The following CPT1C variants were observed in gnomAD, a reference collection of about 807,000 sequenced individuals.
CPT1C encodes the protein palmitoyl thioesterase CPT1C.
A neutral mutation model predicts 97.3 loss-of-function variants in CPT1C; 61 were observed. The ratio of observed to expected loss-of-function variants is 0.63; its 90% CI spans 0.51 to 0.78. CPT1C has a LOEUF of 0.78. CPT1C is among the 30% of genes least tolerant of loss of function. The probability of loss-of-function intolerance (pLI) is 0.00; values close to 1 mark genes in which losing one functional copy is unlikely to be tolerated. For synonymous variants in CPT1C, 469 were observed against 447.2 expected, an observed-to-expected ratio of 1.05 and a Z score of -0.61; for missense variants, 975 against 1,065.5, an observed-to-expected ratio of 0.92 and a Z score of 1.18.
chr19:49,697,262 G>A (rs1275756002), intron 3 of CPT1C, 64 bp from the exon 4 acceptor site: 2 of 1,604,734 alleles, frequency 1.2e-6, no homozygotes, highest in East Asian at 2.2e-5. Flanking sequence ...GTCTGGGGAT[G>A]GCACAGAACA....
chr19:49,702,025 T>TA (rs56183107), intron 7 of CPT1C, among the ~76,000 whole-genome samples: 1 of 9,422 alleles, frequency 1.1e-4, no homozygotes, highest in Non-Finnish European at 2.2e-4. Flanking sequence ...TATTTATAAA[T>TA]TATAAATATA....
chr19:49,709,300 T>C (rs1176491978), intron 14 of CPT1C, among the ~76,000 whole-genome samples: 2 of 144,952 alleles, frequency 1.4e-5, no homozygotes, highest in Non-Finnish European at 3.0e-5. Flanking sequence ...CCACTTCCAA[T>C]GACAACCCAT....
At chr19:49,707,406 C>A in intron 12 of CPT1C, 112 bp from the exon 13 acceptor site, 1 of 755,096 alleles carries the variant, frequency 1.3e-6, no homozygotes. Flanking sequence ...ACCAGCACCC[C>A]AATGGATTCC....
Position 49,706,855 on chromosome 19 carries a change from G to A in CPT1C, c.1343+442G>A, listed in dbSNP as rs191165107. On this transcript the variant is annotated intron_variant, in intron 12 of 19. Transcript: ENST00000598293. This position sits in a 1 kb window ranked among gnomAD's most constrained non-coding sequence, Gnocchi z 4.8. ...CCCCAAATCCATGGCCCTAGACCCAGACTTCCAGACCTAGAGATTCTCAGG... is the reference window on the plus strand; with the variant it reads ...CCCCAAATCCATGGCCCTAGACCCAAACTTCCAGACCTAGAGATTCTCAGG... Among the ~76,000 whole-genome samples the A allele has an allele frequency of 2.0e-4, 31 of 152,222 alleles. No individual in the cohort carries two copies. The East Asian group carries it at 5.8e-3, about 29-fold the overall frequency.
Position 49,701,401 on chromosome 19 carries a change from C to T in CPT1C, c.538C>T (p.Gln180Ter), listed in dbSNP as rs2083045057. Residue 180 changes from glutamine (Q) to a stop codon, truncating the protein, a stop_gained, in exon 6 of 20, where the codon CAG (glutamine) becomes TAG (stop). Coordinates refer to ENST00000598293, the MANE Select transcript of CPT1C (RefSeq NM_001199753.2). LOFTEE classifies it high-confidence loss of function. ...SLPRQPVPSV[Q>*]DTVRKYLESV... Reference sequence around the variant, plus strand: ...GCCACGCCAGCCCGTGCCCTCTGTGCAGGACACCGTGCGCAAGGTGGGCCT... The same window carrying T: ...GCCACGCCAGCCCGTGCCCTCTGTGTAGGACACCGTGCGCAAGGTGGGCCT... The T allele has an allele frequency of 6.2e-7, 1 of 1,612,618 alleles. No homozygotes were observed. The highest frequency in any genetic ancestry group is 1.3e-5 in the African/African-American group (1 of 74,990).
At chr19:49,702,187 T>TAAATA in intron 7 of CPT1C, among the ~76,000 whole-genome samples, 1 of 135,326 alleles carries the variant, frequency 7.4e-6, no homozygotes, top group African/African-American at 2.7e-5. Context: ...TATTTATATA[T>TAAATA]AGGCTTATAT....
At chr19:49,711,484 C>T in intron 16 of CPT1C, 1 of 333,422 alleles carries the variant, frequency 3.0e-6, no homozygotes, top group Middle Eastern at 8.8e-4. Flanking sequence ...CCCCTGTACC[C>T]TCTCTGCCCA....
At chr19:49,700,164 G>A (rs562200941) in intron 4 of CPT1C, among the ~76,000 whole-genome samples, 41 of 144,270 alleles carry the variant, frequency 2.8e-4, no homozygotes, top group African/African-American at 5.4e-4. Context: ...GGAGAATGGC[G>A]TGAACCCAGG....
intron 7 of CPT1C, 135 bp from the exon 8 acceptor site, chr19:49,704,575 C>A: frequency 1.5e-6 from 1 of 673,716 alleles, no homozygotes; most frequent in South Asian, 1.7e-5. Context: ...TCGCTAGTTA[C>A]TGACTACGAT....
At chr19:49,713,125 C>A in intron 19 of CPT1C, 61 bp downstream of exon 19, 1 of 1,399,548 alleles carries the variant, frequency 7.1e-7, no homozygotes, top group Non-Finnish European at 1.0e-6. Context: ...AGTCTGGGCC[C>A]CCAGCCCCTC....
intron 4 of CPT1C, among the ~76,000 whole-genome samples, chr19:49,698,784 AG>A (rs1191342133): frequency 1.3e-5 from 2 of 151,920 alleles, no homozygotes; most frequent in Admixed American, 6.6e-5. Context: ...ATTGCTTCTT[AG>A]TGTGCTTGGA....
rs1555779176 is a variant in CPT1C, at chr19:49,702,076, T to TATAA, written c.693+446_693+449dup. Reference sequence around the variant, plus strand: ...TATAAATATATATTTATTTATAAATTATAAATATATATTTATTTATAAATT... The same window carrying TATAA: ...TATAAATATATATTTATTTATAAATTATAAATAAATATATATTTATTTATAAATT... On this transcript the variant is annotated intron_variant, in intron 7 of 19. Transcript: ENST00000598293. Among the ~76,000 whole-genome samples the TATAA allele has an allele frequency of 8.6e-4, 76 of 88,260 alleles. 2 individuals are homozygous for TATAA. Among genetic ancestry groups the TATAA allele is most frequent in the African/African-American group, 2.4e-3 (33 of 13,630 alleles). The allele number at this position is 88,260 out of a possible 152,430, so 57.9% of individuals were successfully genotyped here. A position where few individuals can be genotyped will look rare whatever the true frequency, so the allele number is the denominator to read the frequency against.
rs758918714 is a variant in CPT1C, at chr19:49,710,384, A to G, written c.1631A>G (p.His544Arg). 4 of 1,613,984 alleles carry G rather than the reference A, an allele frequency of 2.5e-6. No individual in the cohort carries two copies. The highest frequency in any genetic ancestry group is 2.2e-5 in the South Asian group (2 of 91,082). Reference protein sequence around the residue: ...AKILSENVDCHVVPFSLFGKS... With the variant: ...AKILSENVDCRVVPFSLFGKS... Reference sequence around the variant, plus strand: ...ATCTTGTCTGAAAATGTCGACTGCCATGTCGTTCCATTCTCCCTATTTGGC... The same window carrying G: ...ATCTTGTCTGAAAATGTCGACTGCCGTGTCGTTCCATTCTCCCTATTTGGC... Residue 544 changes from histidine to arginine, a missense_variant, in exon 15 of 20, where the codon CAT (histidine) becomes CGT (arginine). This residue lies in a region of CPT1C where 344 missense variants were observed against 395.7 expected (regional missense o/e 0.87). Coordinates refer to ENST00000598293, the MANE Select transcript of CPT1C (RefSeq NM_001199753.2).
intron 3 of CPT1C, among the ~76,000 whole-genome samples, chr19:49,693,930 T>G (rs1391515170): frequency 6.6e-6 from 1 of 151,914 alleles, no homozygotes; most frequent in Non-Finnish European, 1.5e-5. Flanking sequence ...CCTGGTGTGG[T>G]AGTGGGTGCC....
In CPT1C at chr19:49,711,955, G is replaced by C. The variant is rs1399918980; in HGVS notation, c.2013G>C (p.Leu671=). The change falls in exon 17 of 20, where the codon CTG becomes CTC. Residue 671 remains leucine (L), a synonymous_variant. Transcript: ENST00000598293. The part of the protein sequence containing the change: ...SRFLHLQSPF[L]TQVHSEQWQL... ...TCCTCCACCTGCAGTCGCCCTTCCT[G>C]ACCCAGGTTGGGGCACAGGGAAAGG... is the stretch of plus-strand genomic sequence containing the variant. 1.2e-6 allele frequency: 2 copies of C among 1,613,856 alleles called. No individual in the cohort carries two copies. Among genetic ancestry groups the C allele is most frequent in the Admixed American group, 3.3e-5 (2 of 60,004 alleles).
In CPT1C at chr19:49,713,651, T is replaced by A; in HGVS notation, c.*46T>A. 6.4e-7 allele frequency: 1 copy of A among 1,550,782 alleles called. No individual in the cohort carries two copies. Among genetic ancestry groups the A allele is most frequent in the African/African-American group, 1.4e-5 (1 of 73,358 alleles). ...GCCTCTCCAAGGAATAAGGGTGAAA[T>A]TGCCACAGCTGGCTGACACAGGACA... On this transcript the variant is annotated 3_prime_UTR_variant, in exon 20 of 20. Transcript: ENST00000598293.
chr19:49,702,491 A>G (rs62128128), intron 7 of CPT1C, among the ~76,000 whole-genome samples: 18,647 of 151,720 alleles, frequency 0.12, 1,379 homozygotes, highest in Non-Finnish European at 0.17. Context: ...GGTGGCGCAC[A>G]CGCCTATAAT....
chr19:49,694,646 A>AG (rs1555774945), intron 3 of CPT1C, among the ~76,000 whole-genome samples: 29 of 147,282 alleles, frequency 2.0e-4, no homozygotes, highest in South Asian at 1.1e-3. Context: ...AAAAAAAAAA[A>AG]GGGGGTGGGA....
intron 3 of CPT1C, among the ~76,000 whole-genome samples, chr19:49,697,061 C>T (rs1419099026): frequency 6.6e-6 from 1 of 152,202 alleles, no homozygotes; most frequent in Non-Finnish European, 1.5e-5. Flanking sequence ...GAATATCCTC[C>T]TCCAGGGAGC....
Sources: allele counts gnomAD v4.1 joint callset (sites outside exome capture counted in the v4.1 genomes callset), GRCh38; gene constraint gnomAD v4.1.1; regional missense constraint gnomAD v4.1.1; non-coding constraint Gnocchi (gnomAD v3.1); transcripts MANE v1.5; gene names NCBI Gene and HGNC (gene_info 2026-07-23, HGNC 2026-07-21).